MAP2: variants seen among roughly 807,000 people sequenced by gnomAD.
MAP2 encodes microtubule-associated protein 2.
Under a neutral mutation model 137.6 loss-of-function variants are expected in MAP2, and 14 were observed. The observed-to-expected ratio is 0.10, with a 90% CI of 0.07 to 0.16. MAP2 has a LOEUF of 0.16. Among genes scored for constraint, MAP2 ranks in the 10% least tolerant of loss-of-function variants. The probability of loss-of-function intolerance (pLI) is 1.00; values close to 1 mark genes in which losing one functional copy is unlikely to be tolerated. For synonymous variants in MAP2, 786 were observed against 782.3 expected (o/e 1.00, Z -0.08); for missense variants, 2,088 against 2,191.5 (o/e 0.95, Z 0.94).
At chr2:209,462,513 T>C (rs115608395) in intron 1 of MAP2, among the ~76,000 whole-genome samples, 66 of 152,308 alleles carry the variant, frequency 4.3e-4, no homozygotes, top group African/African-American at 1.4e-3. Flanking sequence ...TTTGTATCTC[T>C]GAGAGCTCAG....
chr2:209,688,043 T>C (rs2057641454), intron 7 of MAP2, among the ~76,000 whole-genome samples: 1 of 152,102 alleles, frequency 6.6e-6, no homozygotes, highest in African/African-American at 2.4e-5. Flanking sequence ...TGTGCCTTAA[T>C]ACAGGGTGGG....
Position 209,520,772 on chromosome 2 carries a change from T to G in MAP2, c.-172+13131T>G, listed in dbSNP as rs1202021168. Reference sequence around the variant, plus strand: ...TTTCATAGGATATTTTCTCACAGTATTGTTTACTTTGCTCCCTATTATATT... The same window carrying G: ...TTTCATAGGATATTTTCTCACAGTAGTGTTTACTTTGCTCCCTATTATATT... On this transcript the variant is annotated intron_variant, in intron 2 of 15. Transcript: ENST00000682079. Among the ~76,000 whole-genome samples the G allele has an allele frequency of 5.3e-5, 8 of 152,150 alleles. No individual in the cohort carries two copies. The East Asian group carries it at 1.4e-3, about 26-fold the overall frequency.
At chr2:209,515,899 T>G (rs531790418) in intron 2 of MAP2, among the ~76,000 whole-genome samples, 5 of 152,208 alleles carry the variant, frequency 3.3e-5, no homozygotes, top group Admixed American at 2.6e-4. Flanking sequence ...TGATCCTTCT[T>G]GCCTTAGACT....
At chr2:209,662,953 G>GAGAT (rs1553641411) in intron 5 of MAP2, among the ~76,000 whole-genome samples, 4 of 150,764 alleles carry the variant, frequency 2.7e-5, no homozygotes, top group African/African-American at 9.7e-5. Flanking sequence ...TTAAGTGTGA[G>GAGAT]ATATATATAT....
chr2:209,501,902 G>A (rs540926948), intron 1 of MAP2, among the ~76,000 whole-genome samples: 1 of 152,232 alleles, frequency 6.6e-6, no homozygotes, highest in African/African-American at 2.4e-5. Flanking sequence ...AGAAGCCACA[G>A]GACAGCTTGA....
intron 4 of MAP2, among the ~76,000 whole-genome samples, chr2:209,649,685 A>G (rs1451311878): frequency 1.3e-5 from 2 of 152,202 alleles, no homozygotes; most frequent in Non-Finnish European, 2.9e-5. Context: ...AATGATCATT[A>G]CTTACTAAAT....
chr2:209,714,311 A>C (rs981459660), intron 13 of MAP2, among the ~76,000 whole-genome samples: 16 of 152,218 alleles, frequency 1.1e-4, no homozygotes, highest in African/African-American at 3.9e-4. Context: ...TTAACTGCTC[A>C]TTGGATAGGA....
At chr2:209,452,944 TTTC>T (rs1700647035) in intron 1 of MAP2, among the ~76,000 whole-genome samples, 2 of 152,246 alleles carry the variant, frequency 1.3e-5, no homozygotes, top group Non-Finnish European at 2.9e-5. Flanking sequence ...TATCCATTTT[TTTC>T]TTCTTCATTG....
At chr2:209,455,057 C>T (rs1338883033) in intron 1 of MAP2, among the ~76,000 whole-genome samples, 1 of 152,144 alleles carries the variant, frequency 6.6e-6, no homozygotes, top group African/African-American at 2.4e-5. Flanking sequence ...CTTATGAGGG[C>T]ACTAATCACA....
chr2:209,572,084 G>A (rs955443950), intron 2 of MAP2, among the ~76,000 whole-genome samples: 1 of 151,668 alleles, frequency 6.6e-6, no homozygotes, highest in African/African-American at 2.4e-5. Context: ...AAGAATATAA[G>A]TGATTTTTTA....
At chr2:209,699,786 A>C (rs975136250) in intron 10 of MAP2, among the ~76,000 whole-genome samples, 1 of 152,228 alleles carries the variant, frequency 6.6e-6, no homozygotes, top group Non-Finnish European at 1.5e-5. Context: ...TTAGCTGATC[A>C]TGACAGTTTG....
chr2:209,540,235 G>A (rs1448526023), intron 2 of MAP2, among the ~76,000 whole-genome samples: 1 of 151,786 alleles, frequency 6.6e-6, no homozygotes, highest in Non-Finnish European at 1.5e-5. Context: ...ATAGGTCTGA[G>A]GAATAGTTAG....
At chr2:209,431,229 A>T (rs941976055) in intron 1 of MAP2, among the ~76,000 whole-genome samples, 1 of 152,114 alleles carries the variant, frequency 6.6e-6, no homozygotes, top group Admixed American at 6.6e-5. Context: ...AAAAAATGGC[A>T]TTTAAAATGG....
intron 13 of MAP2, among the ~76,000 whole-genome samples, chr2:209,718,872 T>A (rs2068900369): frequency 6.6e-6 from 1 of 152,216 alleles, no homozygotes; most frequent in African/African-American, 2.4e-5. Flanking sequence ...TGCAAAGTTT[T>A]TAACAGATGA....
intron 4 of MAP2, among the ~76,000 whole-genome samples, chr2:209,641,637 C>T (rs1177686534): frequency 4.7e-5 from 7 of 150,348 alleles, no homozygotes; most frequent in African/African-American, 1.5e-4. Context: ...ACAATATCTC[C>T]AGTACCTAAA....
At chr2:209,500,862 C>G (rs964387667) in intron 1 of MAP2, among the ~76,000 whole-genome samples, 5 of 151,916 alleles carry the variant, frequency 3.3e-5, no homozygotes, top group African/African-American at 1.2e-4. Flanking sequence ...TAGGGAAACT[C>G]TGTCTCTACC....
rs183621394 is a variant in MAP2, at chr2:209,663,627, G to C, written c.262+10195G>C. ...GTTGATTTCAGGAATACGCAAGAAG[G>C]CATTAGGCAAAAATAGATAAGAAAG... On this transcript the variant is annotated intron_variant, in intron 5 of 15. Coordinates refer to ENST00000682079, the MANE Select transcript of MAP2 (RefSeq NM_001375505.1). Among the ~76,000 whole-genome samples the C allele has an allele frequency of 7.0e-3, 1,067 of 152,274 alleles. 2 individuals carry two copies. The highest frequency in any genetic ancestry group is 0.01 in the Non-Finnish European group (712 of 68,020).
chr2:209,525,980 T>G (rs2063980585), intron 2 of MAP2, among the ~76,000 whole-genome samples: 1 of 152,152 alleles, frequency 6.6e-6, no homozygotes, highest in African/African-American at 2.4e-5. Context: ...ACATTCTGTT[T>G]CTTTTTTTTC....
At chr2:209,673,445 C>A (rs746780336) in intron 5 of MAP2, among the ~76,000 whole-genome samples, 2 of 151,764 alleles carry the variant, frequency 1.3e-5, no homozygotes, top group Admixed American at 1.3e-4. Flanking sequence ...TTAATTACAT[C>A]AAAACCCTGA....
Sources: allele counts gnomAD v4.1 joint callset (sites outside exome capture counted in the v4.1 genomes callset), GRCh38; gene constraint gnomAD v4.1.1; transcripts MANE v1.5; gene names NCBI Gene and HGNC (gene_info 2026-07-23, HGNC 2026-07-21).